The following CHP1 variants were observed in gnomAD, a reference collection of about 807,000 sequenced individuals.
The protein encoded by CHP1 is calcineurin B homologous protein 1.
In CHP1, 11 loss-of-function variants were observed where a neutral mutation model predicts 27.4. That is an observed-to-expected ratio of 0.40 (90% CI 0.25 to 0.67). CHP1 has a LOEUF of 0.67. Among genes scored for constraint, CHP1 ranks in the 30% least tolerant of loss-of-function variants. CHP1 has a pLI of 0.38. For missense variants in CHP1, 169 were observed against 251.3 expected, an observed-to-expected ratio of 0.67 and a Z score of 2.22; for synonymous variants, 89 against 87.4, an observed-to-expected ratio of 1.02 and a Z score of -0.10.
At chr15:41,234,256 CCA>C (rs1208734537) in intron 1 of CHP1, 3 of 152,068 alleles carry the variant, frequency 2.0e-5, no homozygotes, top group Non-Finnish European at 4.4e-5. Flanking sequence ...TGCGCCAAGC[CCA>C]GAGTTGTTTT....
intron 4 of CHP1, among the ~76,000 whole-genome samples, chr15:41,263,517 C>T (rs932260977): frequency 1.9e-4 from 29 of 152,302 alleles, no homozygotes; most frequent in African/African-American, 6.7e-4. Flanking sequence ...TACAACACTT[C>T]TCCAGGAAAT....
At chr15:41,265,369 A>C (rs2047454916) in intron 4 of CHP1, among the ~76,000 whole-genome samples, 1 of 135,200 alleles carries the variant, frequency 7.4e-6, no homozygotes, top group Non-Finnish European at 1.6e-5. Context: ...GTCTCAAAAA[A>C]AAAAAAAAAA....
At chr15:41,271,648 CT>C (rs1256861308) in intron 5 of CHP1, among the ~76,000 whole-genome samples, 1 of 152,130 alleles carries the variant, frequency 6.6e-6, no homozygotes, top group Non-Finnish European at 1.5e-5. Context: ...CTAACTGCCA[CT>C]GTTCTTTGTT....
rs554984598 is a variant in CHP1, at chr15:41,266,724, G to A, written c.350-3833G>A. On this transcript the variant is annotated intron_variant, in intron 4 of 6. Coordinates refer to ENST00000334660, the MANE Select transcript of CHP1 (RefSeq NM_007236.5). ...TATTAAAAAAGAAAATTCTGAGGCC[G>A]GGAGCGGTGGCTCACACCTGTAATC... is the stretch of plus-strand genomic sequence containing the variant. Among the ~76,000 whole-genome samples, 15 of 152,040 alleles carry A rather than the reference G, an allele frequency of 9.9e-5. No homozygotes were observed. In the South Asian group the frequency reaches 2.7e-3, roughly 27 times the overall value.
intron 2 of CHP1, among the ~76,000 whole-genome samples, chr15:41,245,717 A>T (rs2047331304): frequency 6.6e-6 from 1 of 152,126 alleles, no homozygotes; most frequent in African/African-American, 2.4e-5. Context: ...TTTCTCTTGG[A>T]CGTATACCTA....
At chr15:41,242,988 C>A (rs890189624) in intron 1 of CHP1, among the ~76,000 whole-genome samples, 7 of 151,800 alleles carry the variant, frequency 4.6e-5, no homozygotes, top group African/African-American at 1.7e-4. Context: ...TAAAAACATA[C>A]ATTTTCTTAG....
rs1391594676 is a variant in CHP1, at chr15:41,281,591, G to A, written c.*2202G>A. The A allele has an allele frequency of 2.0e-5, 3 of 152,608 alleles. No individual in the cohort carries two copies. Among genetic ancestry groups the A allele is most frequent in the Non-Finnish European group, 2.9e-5 (2 of 68,040 alleles). The allele number at this position is 152,608 out of a possible 1,614,324, so 9.5% of individuals were successfully genotyped here. On this transcript the variant is annotated 3_prime_UTR_variant, in exon 7 of 7. Coordinates refer to ENST00000334660, the MANE Select transcript of CHP1 (RefSeq NM_007236.5). The stretch of plus-strand genomic sequence containing the variant: ...GTGATGGAAAAGGGTGGAGAACAGG[G>A]GAGTAGCCAGGCTGGATGGCTCAAA...
chr15:41,256,917 G>A lies in CHP1; in HGVS notation c.148G>A (p.Asp50Asn), dbSNP rs2047403354. Residue 50 changes from aspartate (D) to asparagine (N), a missense_variant, in exon 3 of 7, where the codon GAT becomes AAT. Coordinates refer to ENST00000334660, the MANE Select transcript of CHP1 (RefSeq NM_007236.5). ...KGENGTLSRE[D>N]FQRIPELAIN... is the part of the protein sequence containing the mutation. ...AGGTGATTCTCTTGGCAGCCGGGAA[G>A]ATTTCCAGAGGATTCCAGAACTTGC... 6.2e-7 allele frequency: 1 copy of A among 1,614,012 alleles called. No individual in the cohort carries two copies. Among genetic ancestry groups the A allele is most frequent in the South Asian group, 1.1e-5 (1 of 91,090 alleles).
At chr15:41,250,090 TAA>T (rs77882380) in intron 2 of CHP1, among the ~76,000 whole-genome samples, 17,894 of 127,048 alleles carry the variant, frequency 0.14, 1,234 homozygotes, top group South Asian at 0.29. Context: ...GGTGTTATGT[TAA>T]AAAAAAAAAA....
chr15:41,274,487 C>T (rs1289858322), intron 5 of CHP1, among the ~76,000 whole-genome samples: 2 of 152,072 alleles, frequency 1.3e-5, no homozygotes, highest in African/African-American at 4.8e-5. Flanking sequence ...TGCTTAGGCT[C>T]AAGTGATCCT....
chr15:41,269,582 C>G (rs2047478777), intron 4 of CHP1, among the ~76,000 whole-genome samples: 1 of 152,106 alleles, frequency 6.6e-6, no homozygotes, highest in Non-Finnish European at 1.5e-5. Context: ...CTTTGTTCCC[C>G]CAGCATTTTG....
chr15:41,239,602 G>T (rs2047295697), intron 1 of CHP1, among the ~76,000 whole-genome samples: 1 of 151,528 alleles, frequency 6.6e-6, no homozygotes, highest in Non-Finnish European at 1.5e-5. Context: ...TACCATGTTG[G>T]CCAGGCTGGT....
intron 1 of CHP1, among the ~76,000 whole-genome samples, chr15:41,239,916 A>G (rs1015879586): frequency 3.3e-5 from 5 of 152,020 alleles, no homozygotes; most frequent in Non-Finnish European, 7.4e-5. Context: ...AGCTGGGACT[A>G]CAGGTGCCTG....
At chr15:41,262,952 C>G (rs549638441) in intron 4 of CHP1, 69 bp downstream of exon 4, 3 of 1,580,038 alleles carry the variant, frequency 1.9e-6, no homozygotes, top group African/African-American at 1.4e-5. Flanking sequence ...TATTTACTCA[C>G]TCATTATTTG....
At chr15:41,260,504 C>T (rs1358590310) in intron 3 of CHP1, among the ~76,000 whole-genome samples, 3 of 151,032 alleles carry the variant, frequency 2.0e-5, no homozygotes, top group African/African-American at 7.3e-5. Flanking sequence ...AAGTGATTCT[C>T]CTGCCTCAGG....
intron 5 of CHP1, among the ~76,000 whole-genome samples, chr15:41,275,196 C>T (rs112093349): frequency 0.03 from 4,526 of 151,780 alleles, 220 homozygotes; most frequent in African/African-American, 0.1. Flanking sequence ...TCTTTCTTGT[C>T]GCCCAGGCTG....
chr15:41,273,852 A>C (rs565292692), intron 5 of CHP1, among the ~76,000 whole-genome samples: 1 of 151,686 alleles, frequency 6.6e-6, no homozygotes, highest in East Asian at 2.0e-4. Flanking sequence ...GAAGTAGGAG[A>C]ATCGCTTGAA....
chr15:41,278,163 C>A (rs2047528604), intron 5 of CHP1, among the ~76,000 whole-genome samples: 2 of 151,698 alleles, frequency 1.3e-5, no homozygotes, highest in Non-Finnish European at 2.9e-5. Flanking sequence ...CCCATCTCTA[C>A]TAAAAATACA....
At chr15:41,249,462 CTTTTTTTTTTTTTTT>C (rs1163537727) in intron 2 of CHP1, among the ~76,000 whole-genome samples, 1 of 78,480 alleles carries the variant, frequency 1.3e-5, no homozygotes. Context: ...CCTTCACCTT[CTTTTTTTTTTTTTTT>C]TTTTTTTTTT....
Sources: allele counts gnomAD v4.1 joint callset (sites outside exome capture counted in the v4.1 genomes callset), GRCh38; gene constraint gnomAD v4.1.1; transcripts MANE v1.5; gene names NCBI Gene and HGNC (gene_info 2026-07-23, HGNC 2026-07-21).